Variants in MARK4 observed in about 807,000 individuals in gnomAD.
MARK4 encodes the protein MAP/microtubule affinity-regulating kinase 4.
In MARK4, 19 loss-of-function variants were observed where a neutral mutation model predicts 81.5. The observed-to-expected ratio is 0.23, with a 90% CI of 0.16 to 0.34. The LOEUF (loss-of-function observed/expected upper bound fraction) is 0.34. MARK4 is among the 10% of genes least tolerant of loss of function. The pLI is 1.00. For missense variants in MARK4, 772 were observed against 1,058.8 expected (o/e 0.73, Z 3.76); for synonymous variants, 436 against 439.0 (o/e 0.99, Z 0.08).
chr19:45,296,678 G>A (rs1425225358), intron 14 of MARK4, among the ~76,000 whole-genome samples: 1 of 152,218 alleles, frequency 6.6e-6, no homozygotes, highest in African/African-American at 2.4e-5. Context: ...GATTCTAAGG[G>A]AGAAGTAACA....
At chr19:45,291,021 C>T (rs1386679968) in intron 13 of MARK4, among the ~76,000 whole-genome samples, 1 of 152,116 alleles carries the variant, frequency 6.6e-6, no homozygotes, top group African/African-American at 2.4e-5. Context: ...AGGAGGGAGG[C>T]CGGGATGCCT....
At chr19:45,286,956 C>T (rs1970750638) in intron 12 of MARK4, among the ~76,000 whole-genome samples, 2 of 151,960 alleles carry the variant, frequency 1.3e-5, no homozygotes, top group African/African-American at 2.4e-5. Flanking sequence ...CTTCCTTATT[C>T]TTTTTTATAG....
chr19:45,276,042 G>T (rs1052927272), intron 8 of MARK4, among the ~76,000 whole-genome samples: 1 of 151,634 alleles, frequency 6.6e-6, no homozygotes. Context: ...TTGTCTGTTT[G>T]TTTTTTGAGA....
chr19:45,269,691 G>A (rs986031908), intron 7 of MARK4, among the ~76,000 whole-genome samples: 4 of 152,160 alleles, frequency 2.6e-5, no homozygotes, highest in African/African-American at 2.4e-5. Context: ...CTGTGGAAAC[G>A]GGTGGCCTTG....
At chr19:45,287,755 T>G in intron 13 of MARK4, 91 bp downstream of exon 13, 1 of 1,401,340 alleles carries the variant, frequency 7.1e-7, no homozygotes, top group South Asian at 1.2e-5. Flanking sequence ...CAGACGGAAC[T>G]CCTTCTTACC....
chr19:45,261,419 C>T (rs1160047164), intron 2 of MARK4, among the ~76,000 whole-genome samples: 2 of 152,198 alleles, frequency 1.3e-5, no homozygotes, highest in African/African-American at 4.8e-5. Flanking sequence ...TATTCATGTA[C>T]TTCACCACAT....
chr19:45,287,493 C>A lies in MARK4; in HGVS notation c.1323C>A (p.Ser441Arg). ...TGCACCCCAAACGCAGCCCGACGAG[C>A]ACGGGGGAGGCGGAGCTGAAGGAGG... ...APLHPKRSPT[S>R]TGEAELKEER... The change falls in exon 13 of 17, where the codon AGC (serine) becomes AGA (arginine). Residue 441 changes from serine (S) to arginine (R), a missense_variant. Transcript: ENST00000262891. The A allele has an allele frequency of 6.6e-7, 1 of 1,518,158 alleles. No individual in the cohort carries two copies. Among genetic ancestry groups the A allele is most frequent in the Admixed American group, 2.1e-5 (1 of 46,720 alleles). 94.0% of individuals were successfully genotyped at this position (1,518,158 alleles called of 1,614,324 possible). A position where few individuals can be genotyped will look rare whatever the true frequency, so the allele number is the denominator to read the frequency against.
intron 15 of MARK4, 53 bp downstream of exon 15, chr19:45,298,007 C>G: frequency 6.5e-7 from 1 of 1,549,382 alleles, no homozygotes; most frequent in Non-Finnish European, 8.7e-7. Flanking sequence ...CCGATGGGAC[C>G]TAACCTGTCT....
At chr19:45,300,066 C>A (rs974213050) in intron 16 of MARK4, among the ~76,000 whole-genome samples, 1 of 152,218 alleles carries the variant, frequency 6.6e-6, no homozygotes, top group Non-Finnish European at 1.5e-5. Flanking sequence ...CTTCAGCCTC[C>A]GGCTGGGTGC....
In MARK4 at chr19:45,299,797, C is replaced by T. The variant is rs376798261; in HGVS notation, c.1878-14C>T. On this transcript the variant is annotated splice_polypyrimidine_tract_variant and intron_variant, in intron 15 of 16. Coordinates refer to ENST00000262891, the MANE Select transcript of MARK4 (RefSeq NM_001199867.2). ...TGTCCAGATTAGACACTCTGTCCCCCTCCCCTCCCCTAGGGTCGCAGACGA... is the reference window on the plus strand; with the variant it reads ...TGTCCAGATTAGACACTCTGTCCCCTTCCCCTCCCCTAGGGTCGCAGACGA... 13 of 1,590,944 alleles carry T rather than the reference C, an allele frequency of 8.2e-6. No individual in the cohort carries two copies. In the African/African-American group the frequency reaches 1.6e-4, roughly 20 times the overall value.
At chr19:45,297,539 T>C (rs1970902126) in intron 14 of MARK4, 137 bp from the exon 15 acceptor site, 4 of 598,780 alleles carry the variant, frequency 6.7e-6, no homozygotes, top group Non-Finnish European at 1.2e-5. Context: ...CCTGCACAAC[T>C]GTACGTTGCA....
At chr19:45,281,300 C>T (rs538472037) in intron 12 of MARK4, among the ~76,000 whole-genome samples, 2 of 151,842 alleles carry the variant, frequency 1.3e-5, no homozygotes, top group African/African-American at 4.8e-5. Flanking sequence ...GATCCACCCT[C>T]GGCCTCCCAA....
chr19:45,288,421 C>T (rs28515937), intron 13 of MARK4: 18,362 of 151,676 alleles, frequency 0.12, 1,230 homozygotes, highest in African/African-American at 0.17. Context: ...GGCGTGGTGG[C>T]GGGCACCTAT....
rs186905145 is a variant in MARK4 at position 45,282,337 on chromosome 19, A to T, written c.1276+1603A>T. Among the ~76,000 whole-genome samples, 549 of 151,566 alleles carry T rather than the reference A, an allele frequency of 3.6e-3. 6 individuals carry two copies. The highest frequency in any genetic ancestry group is 0.017 in the Middle Eastern group (5 of 294). Reference sequence around the variant, plus strand: ...TCATCAAATTTTAACCCTCTCTTCTATTTTTTTTAACGGCTTTATTAAGGT... The same window carrying T: ...TCATCAAATTTTAACCCTCTCTTCTTTTTTTTTTAACGGCTTTATTAAGGT... On this transcript the variant is annotated intron_variant, in intron 12 of 16. Transcript: ENST00000262891.
intron 14 of MARK4, among the ~76,000 whole-genome samples, chr19:45,297,324 G>T (rs1238969668): frequency 6.6e-6 from 1 of 152,176 alleles, no homozygotes; most frequent in Non-Finnish European, 1.5e-5. Flanking sequence ...TTGCCAAGTT[G>T]ATTTGGTTCC....
At chr19:45,283,679 T>C (rs979580112) in intron 12 of MARK4, among the ~76,000 whole-genome samples, 2 of 152,228 alleles carry the variant, frequency 1.3e-5, no homozygotes, top group African/African-American at 2.4e-5. Flanking sequence ...TATCCATTCA[T>C]GAACACGTGG....
At chr19:45,282,420 G>C (rs2123075518) in intron 12 of MARK4, among the ~76,000 whole-genome samples, 1 of 152,088 alleles carries the variant, frequency 6.6e-6, no homozygotes, top group African/African-American at 2.4e-5. Flanking sequence ...GGCCGGGCAT[G>C]GTGGCTCACG....
At chr19:45,300,903 C>T (rs1970961705) in intron 16 of MARK4, among the ~76,000 whole-genome samples, 1 of 152,066 alleles carries the variant, frequency 6.6e-6, no homozygotes, top group African/African-American at 2.4e-5. Flanking sequence ...ATTGGCAGAG[C>T]TGAGTCGTGC....
At chr19:45,280,246 G>A in intron 10 of MARK4, 128 bp from the exon 11 acceptor site, 2 of 778,098 alleles carry the variant, frequency 2.6e-6, no homozygotes, top group South Asian at 1.6e-5. Flanking sequence ...AGGCTGCAGT[G>A]AGCTGTGACC....
Sources: gnomAD v4.1 joint callset for allele counts (sites outside exome capture counted in the v4.1 genomes callset) on GRCh38, gnomAD v4.1.1 for gene constraint, MANE v1.5 for transcripts, NCBI Gene and HGNC (gene_info 2026-07-23, HGNC 2026-07-21) for gene names.